The following GPHN variants were observed in gnomAD, a reference collection of about 807,000 sequenced individuals.
The protein encoded by GPHN is gephyrin.
A neutral mutation model predicts 95.5 loss-of-function variants in GPHN; 17 were observed. The ratio of observed to expected loss-of-function variants is 0.18; its 90% confidence interval spans 0.12 to 0.27. GPHN has a LOEUF of 0.27. GPHN is among the 10% of genes least tolerant of loss of function. The pLI, the probability that GPHN is intolerant of heterozygous loss-of-function variation, is 1.00. For missense variants in GPHN, 660 were observed against 978.1 expected (o/e 0.67, Z 4.34); for synonymous variants, 320 against 322.5 (o/e 0.99, Z 0.08).
At chr14:66,597,187 A>C (rs2062019893) in intron 1 of GPHN, among the ~76,000 whole-genome samples, 1 of 152,216 alleles carries the variant, frequency 6.6e-6, no homozygotes, top group Non-Finnish European at 1.5e-5. Context: ...CGAAGGCGAG[A>C]AGAGACAAAC....
chr14:66,863,858 G>A (rs919427781), intron 4 of GPHN, among the ~76,000 whole-genome samples: 3 of 152,108 alleles, frequency 2.0e-5, no homozygotes, highest in African/African-American at 7.2e-5. Flanking sequence ...TCAAAACTGT[G>A]AAACCATTAC....
chr14:67,457,596 A>G, the GPHN span, among the ~76,000 whole-genome samples: 1 of 152,166 alleles, frequency 6.6e-6, no homozygotes, highest in Non-Finnish European at 1.5e-5. Flanking sequence ...ACAGAGAGAG[A>G]CTTTGTCTGT....
intron 11 of GPHN, among the ~76,000 whole-genome samples, chr14:67,062,709 A>G (rs765688894): frequency 1.3e-5 from 2 of 152,164 alleles, no homozygotes; most frequent in African/African-American, 2.4e-5. Context: ...GGCTGCATAA[A>G]TGTCTTCTTT....
At chr14:66,627,370 C>T (rs1179598767) in intron 1 of GPHN, among the ~76,000 whole-genome samples, 1 of 151,842 alleles carries the variant, frequency 6.6e-6, no homozygotes, top group East Asian at 1.9e-4. Context: ...ACATGCTTCC[C>T]CCCGCCCCCA....
intron 1 of GPHN, among the ~76,000 whole-genome samples, chr14:66,659,201 A>G (rs1423380944): frequency 6.6e-6 from 1 of 150,530 alleles, no homozygotes; most frequent in African/African-American, 2.4e-5. Flanking sequence ...ATTTCTCTTG[A>G]GATGTGCTTT....
intron 4 of GPHN, among the ~76,000 whole-genome samples, chr14:66,877,077 G>T (rs973182711): frequency 1.3e-5 from 2 of 152,142 alleles, no homozygotes; most frequent in Admixed American, 1.3e-4. Context: ...TGCAAGGCTG[G>T]TTCACATATG....
the GPHN span, among the ~76,000 whole-genome samples, chr14:67,702,614 T>A: frequency 3.3e-5 from 5 of 152,204 alleles, no homozygotes; most frequent in African/African-American, 9.7e-5. Context: ...TACTAATAAT[T>A]TTAAAGCCAG....
intron 1 of GPHN, among the ~76,000 whole-genome samples, chr14:66,570,351 C>T (rs999210553): frequency 7.2e-6 from 1 of 137,966 alleles, no homozygotes; most frequent in Admixed American, 8.0e-5. Context: ...TTTGCCCAGG[C>T]TTGAGTGCAG....
the GPHN span, chr14:67,203,005 C>T: frequency 7.4e-7 from 1 of 1,347,812 alleles, no homozygotes; most frequent in East Asian, 2.3e-5. Context: ...TCCTTTATTT[C>T]CTACCCTCTC....
At chr14:67,032,158 A>G (rs2074223536) in intron 10 of GPHN, among the ~76,000 whole-genome samples, 1 of 152,190 alleles carries the variant, frequency 6.6e-6, no homozygotes, top group African/African-American at 2.4e-5. Context: ...AAGAGAAAAC[A>G]CCCTACTCAT....
At chr14:67,296,857 C>G in the GPHN span, among the ~76,000 whole-genome samples, 5 of 152,132 alleles carry the variant, frequency 3.3e-5, no homozygotes, top group African/African-American at 9.7e-5. Context: ...ACCTCAGCCT[C>G]CTGAATAGCT....
chr14:67,569,163 C>T, the GPHN span: 1 of 1,612,936 alleles, frequency 6.2e-7, no homozygotes, highest in Non-Finnish European at 8.5e-7. Flanking sequence ...GCTGTGGCCA[C>T]ATCGGGCATG....
At chr14:67,093,816 C>T (rs2077234551) in intron 12 of GPHN, among the ~76,000 whole-genome samples, 1 of 152,088 alleles carries the variant, frequency 6.6e-6, no homozygotes, top group African/African-American at 2.4e-5. Context: ...TATGAATCCT[C>T]TTATTCCAGC....
chr14:67,445,981 C>T, the GPHN span: 1 of 489,516 alleles, frequency 2.0e-6, no homozygotes, highest in Non-Finnish European at 4.1e-6. Context: ...CTGTAAGAAA[C>T]AGTTCAAAAA....
chr14:67,079,998 A>G (rs1341486836), intron 11 of GPHN, among the ~76,000 whole-genome samples: 1 of 152,078 alleles, frequency 6.6e-6, no homozygotes, highest in Non-Finnish European at 1.5e-5. Context: ...AGGAACTTCC[A>G]TACTATTTTA....
intron 18 of GPHN, among the ~76,000 whole-genome samples, chr14:67,149,483 C>T (rs2081116400): frequency 6.6e-6 from 1 of 152,020 alleles, no homozygotes; most frequent in African/African-American, 2.4e-5. Context: ...CTCACATAAA[C>T]AAAAACTCTT....
At chr14:66,705,532 A>G (rs1195180276) in intron 2 of GPHN, among the ~76,000 whole-genome samples, 1 of 152,218 alleles carries the variant, frequency 6.6e-6, no homozygotes, top group Non-Finnish European at 1.5e-5. Context: ...AATGAATGTA[A>G]CCCATCACAT....
At chr14:67,067,457 C>A (rs994103971) in intron 11 of GPHN, among the ~76,000 whole-genome samples, 1 of 152,170 alleles carries the variant, frequency 6.6e-6, no homozygotes, top group Non-Finnish European at 1.5e-5. Flanking sequence ...GCTCAAACGA[C>A]GTGCTGGTAG....
intron 2 of GPHN, among the ~76,000 whole-genome samples, chr14:66,766,223 GA>G (rs1003222948): frequency 1.3e-5 from 2 of 152,114 alleles, no homozygotes; most frequent in Non-Finnish European, 2.9e-5. Flanking sequence ...TGTACAAGTT[GA>G]AATTCCAGGA....
Sources: gnomAD v4.1 joint callset for allele counts (sites outside exome capture counted in the v4.1 genomes callset) on GRCh38, gnomAD v4.1.1 for gene constraint, MANE v1.5 for transcripts, NCBI Gene and HGNC (gene_info 2026-07-23, HGNC 2026-07-21) for gene names.